CCSER1: variants seen among roughly 807,000 people sequenced by gnomAD.
The protein encoded by CCSER1 is serine-rich coiled-coil domain-containing protein 1.
A neutral mutation model predicts 82.0 loss-of-function variants in CCSER1; 41 were observed. The observed-to-expected ratio is 0.50, with a 90% CI of 0.39 to 0.65. CCSER1 has a LOEUF of 0.65. Among genes scored for constraint, CCSER1 ranks in the 30% least tolerant of loss-of-function variants. The probability of loss-of-function intolerance (pLI) is 0.00; values close to 1 mark genes in which losing one functional copy is unlikely to be tolerated. For missense variants in CCSER1, 1,119 were observed against 1,064.2 expected, an observed-to-expected ratio of 1.05 and a Z score of -0.72; for synonymous variants, 414 against 383.9, an observed-to-expected ratio of 1.08 and a Z score of -0.92.
intron 4 of CCSER1, among the ~76,000 whole-genome samples, chr4:90,432,723 G>T (rs542805319): frequency 2.0e-5 from 3 of 152,204 alleles, no homozygotes; most frequent in South Asian, 2.1e-4. Context: ...CCCAGTAGCT[G>T]AGACTATGGG....
At chr4:91,285,473 T>G (rs1173868086) in intron 10 of CCSER1, among the ~76,000 whole-genome samples, 1 of 151,848 alleles carries the variant, frequency 6.6e-6, no homozygotes, top group South Asian at 2.1e-4. Context: ...ACCTTTTGCT[T>G]TCACGAAATC....
At position 90,308,357 on chromosome 4, in the gene CCSER1, A is replaced by C; in HGVS notation, c.73A>C (p.Arg25=). 1 of 1,613,220 alleles carries C rather than the reference A, an allele frequency of 6.2e-7. No homozygotes were observed. The highest frequency in any genetic ancestry group is 1.3e-5 in the African/African-American group (1 of 75,012). The change falls in exon 2 of 11, where the codon AGA becomes CGA. Residue 25 remains arginine, a synonymous_variant. Coordinates refer to ENST00000509176, the MANE Select transcript of CCSER1 (RefSeq NM_001145065.2). The stretch of plus-strand genomic sequence containing the variant: ...AATATTCAGAAGAAGTATTAACAGA[A>C]GACATGATTCTCTTCCTTCTTCACC... ...LPIFRRSINR[R]HDSLPSSPSS... is the part of the protein sequence containing the mutation.
intron 4 of CCSER1, among the ~76,000 whole-genome samples, chr4:90,409,435 G>A (rs1348273144): frequency 6.6e-6 from 1 of 152,190 alleles, no homozygotes; most frequent in Non-Finnish European, 1.5e-5. Context: ...TGATCTCTCG[G>A]CAGAAACTCT....
At chr4:91,173,729 G>T (rs1048442593) in intron 10 of CCSER1, among the ~76,000 whole-genome samples, 45 of 152,130 alleles carry the variant, frequency 3.0e-4, no homozygotes, top group Non-Finnish European at 1.5e-5. Context: ...CCATTTTAAT[G>T]CTCTACTTCC....
chr4:90,548,674 A>T (rs1031596661), intron 5 of CCSER1, among the ~76,000 whole-genome samples: 6 of 151,586 alleles, frequency 4.0e-5, no homozygotes, highest in African/African-American at 1.5e-4. Context: ...AGCAGAATTG[A>T]CTTAGAAAAG....
intron 10 of CCSER1, among the ~76,000 whole-genome samples, chr4:91,165,396 T>C (rs1475659574): frequency 6.6e-6 from 1 of 152,136 alleles, no homozygotes; most frequent in African/African-American, 2.4e-5. Flanking sequence ...AGGGACCCAC[T>C]TGAGGAGTCA....
chr4:91,048,834 A>G (rs780026613), intron 9 of CCSER1, among the ~76,000 whole-genome samples: 2 of 152,310 alleles, frequency 1.3e-5, no homozygotes, highest in Non-Finnish European at 2.9e-5. Context: ...ATGAATCTCA[A>G]GTACACACTG....
At chr4:90,943,665 C>G (rs770177087) in intron 9 of CCSER1, among the ~76,000 whole-genome samples, 2 of 151,034 alleles carry the variant, frequency 1.3e-5, no homozygotes, top group East Asian at 3.9e-4. Flanking sequence ...TGGGCTCAAG[C>G]AATCCTCCTG....
intron 1 of CCSER1, among the ~76,000 whole-genome samples, chr4:90,171,820 T>A (rs570886087): frequency 5.3e-5 from 8 of 151,958 alleles, no homozygotes; most frequent in South Asian, 4.1e-4. Flanking sequence ...ACCAATAAAT[T>A]TCTGTTGAGT....
intron 10 of CCSER1, among the ~76,000 whole-genome samples, chr4:91,440,777 A>G (rs1048114852): frequency 3.6e-4 from 55 of 152,346 alleles, no homozygotes; most frequent in African/African-American, 1.2e-3. Context: ...ATAAAAAATG[A>G]TAAAGGGCAT....
intron 1 of CCSER1, among the ~76,000 whole-genome samples, chr4:90,297,635 A>G (rs1732226712): frequency 6.6e-6 from 1 of 150,980 alleles, no homozygotes; most frequent in East Asian, 1.9e-4. Flanking sequence ...TGGGTTTGTC[A>G]TAGATAGCTC....
intron 9 of CCSER1, among the ~76,000 whole-genome samples, chr4:91,016,659 G>T (rs1267994865): frequency 6.6e-6 from 1 of 151,976 alleles, no homozygotes; most frequent in Non-Finnish European, 1.5e-5. Context: ...TGTTAATAGT[G>T]TATGTACATA....
chr4:90,540,322 A>G lies in CCSER1; in HGVS notation c.1724+71968A>G, dbSNP rs149257810. ...ATAACATATTTTGTGTTTATTAAAA[A>G]CACCATAGATAAATTTTGTGTGGAT... On this transcript the variant is annotated intron_variant, in intron 5 of 10. Transcript: ENST00000509176. Among the ~76,000 whole-genome samples the G allele has an allele frequency of 3.3e-5, 5 of 152,172 alleles. No homozygotes were observed. In the East Asian group the frequency reaches 7.7e-4, roughly 24 times the overall value.
intron 1 of CCSER1, among the ~76,000 whole-genome samples, chr4:90,288,107 G>T (rs1330546969): frequency 6.6e-6 from 1 of 151,884 alleles, no homozygotes; most frequent in Admixed American, 6.6e-5. Context: ...CGAGAATGTC[G>T]TTATCTCTCC....
intron 9 of CCSER1, among the ~76,000 whole-genome samples, chr4:90,958,922 G>A (rs1733788253): frequency 6.6e-6 from 1 of 152,070 alleles, no homozygotes; most frequent in South Asian, 2.1e-4. Flanking sequence ...GATTATTAGA[G>A]TATAATTTTC....
At chr4:90,219,116 G>T (rs938987360) in intron 1 of CCSER1, among the ~76,000 whole-genome samples, 1 of 152,186 alleles carries the variant, frequency 6.6e-6, no homozygotes, top group Admixed American at 6.5e-5. Flanking sequence ...CACAGAGAGA[G>T]ATGGGTTAGA....
intron 1 of CCSER1, among the ~76,000 whole-genome samples, chr4:90,231,672 A>C (rs1363922279): frequency 6.6e-6 from 1 of 151,740 alleles, no homozygotes; most frequent in African/African-American, 2.4e-5. Context: ...GGAAAAGAGG[A>C]AGTCAAATTG....
intron 5 of CCSER1, among the ~76,000 whole-genome samples, chr4:90,475,654 A>G (rs1764974831): frequency 3.3e-5 from 5 of 152,182 alleles, no homozygotes; most frequent in Admixed American, 2.6e-4. Flanking sequence ...CTGTGAAAGC[A>G]GCACCATCTA....
intron 9 of CCSER1, among the ~76,000 whole-genome samples, chr4:91,032,105 AC>A (rs372056791): frequency 0.016 from 2,487 of 151,944 alleles, 71 homozygotes; most frequent in African/African-American, 0.056. Flanking sequence ...AGAAAGGAAA[AC>A]AAAAATGTGC....
Sources: allele counts gnomAD v4.1 joint callset (sites outside exome capture counted in the v4.1 genomes callset), GRCh38; gene constraint gnomAD v4.1.1; transcripts MANE v1.5; gene names NCBI Gene and HGNC (gene_info 2026-07-23, HGNC 2026-07-21).